Variants in RCSD1 observed in about 807,000 individuals in gnomAD.
RCSD1 encodes RCSD domain containing 1.
A neutral mutation model predicts 42.5 loss-of-function variants in RCSD1; 26 were observed. The ratio of observed to expected loss-of-function variants is 0.61; its 90% CI spans 0.45 to 0.85. The LOEUF (loss-of-function observed/expected upper bound fraction) is 0.85. Among genes scored for constraint, RCSD1 ranks in the 40% least tolerant of loss-of-function variants. RCSD1 has a pLI of 0.00. For missense variants in RCSD1, 571 were observed against 528.3 expected (o/e 1.08, Z -0.79); for synonymous variants, 220 against 212.2 (o/e 1.04, Z -0.32).
At chr1:167,691,702 G>A (rs1456431976) in intron 4 of RCSD1, among the ~76,000 whole-genome samples, 1 of 152,258 alleles carries the variant, frequency 6.6e-6, no homozygotes, top group Admixed American at 6.5e-5. Context: ...GCCTGACTGG[G>A]GGTTAAGGCA....
At chr1:167,665,172 T>A (rs528851707) in intron 1 of RCSD1, 1 of 152,314 alleles carries the variant, frequency 6.6e-6, no homozygotes, top group African/African-American at 2.4e-5. Flanking sequence ...TTTCTGTTAT[T>A]ATAGTTTTGC....
intron 6 of RCSD1, among the ~76,000 whole-genome samples, chr1:167,702,170 A>G (rs1659659333): frequency 6.6e-6 from 1 of 152,252 alleles, no homozygotes; most frequent in Admixed American, 6.5e-5. Context: ...AATAAATGGG[A>G]TTCTGCCCTA....
chr1:167,698,539 C>T (rs988997175), intron 6 of RCSD1, among the ~76,000 whole-genome samples: 3 of 152,166 alleles, frequency 2.0e-5, no homozygotes, highest in Non-Finnish European at 4.4e-5. Context: ...CCTGGGCCTG[C>T]ATTTACTGGC....
intron 6 of RCSD1, 51 bp downstream of exon 6, chr1:167,697,893 G>A: frequency 6.9e-7 from 1 of 1,440,528 alleles, no homozygotes; most frequent in Admixed American, 2.9e-5. Flanking sequence ...GGGCCAGTGT[G>A]TGCCTCTGTC....
At chr1:167,691,614 G>A (rs1215540660) in intron 4 of RCSD1, among the ~76,000 whole-genome samples, 1 of 152,240 alleles carries the variant, frequency 6.6e-6, no homozygotes, top group African/African-American at 2.4e-5. Context: ...TCATTCTGAA[G>A]GCATCAGAGG....
chr1:167,707,207 C>T lies in RCSD1; in HGVS notation c.*2511C>T, dbSNP rs1196591426. ...CTTCAGTGGCCTCAGAACTCCAGGC[C>T]CCTCACGGAGATCACCCTGAACAAT... On this transcript the variant is annotated 3_prime_UTR_variant, in exon 7 of 7. Coordinates refer to ENST00000367854, the MANE Select transcript of RCSD1 (RefSeq NM_052862.4). Among the ~76,000 whole-genome samples, 2 of 152,134 alleles carry T rather than the reference C, an allele frequency of 1.3e-5. No homozygotes were observed. The highest frequency in any genetic ancestry group is 2.9e-5 in the Non-Finnish European group (2 of 68,032).
intron 1 of RCSD1, among the ~76,000 whole-genome samples, chr1:167,631,340 G>A (rs919543034): frequency 6.6e-6 from 1 of 152,222 alleles, no homozygotes; most frequent in South Asian, 2.1e-4. Flanking sequence ...AGATGCAAAT[G>A]TTATATAGTT....
In RCSD1 at chr1:167,707,915, C is replaced by CA. The variant is rs1486639304; in HGVS notation, c.*3222dup. ...TTCACTATGTTGGCCAGGCTGGTCT[C>CA]AAACTCCTGGCCTCTAGTGATCTGC... On this transcript the variant is annotated 3_prime_UTR_variant, in exon 7 of 7. Coordinates refer to ENST00000367854, the MANE Select transcript of RCSD1 (RefSeq NM_052862.4). 1.3e-5 allele frequency among the ~76,000 whole-genome samples: 2 copies of CA among 152,216 alleles called. No individual in the cohort carries two copies. The highest frequency in any genetic ancestry group is 2.9e-5 in the Non-Finnish European group (2 of 68,042).
chr1:167,688,131 G>T (rs1464366990), intron 3 of RCSD1, among the ~76,000 whole-genome samples: 1 of 152,180 alleles, frequency 6.6e-6, no homozygotes, highest in African/African-American at 2.4e-5. Flanking sequence ...AACTGCACTA[G>T]AGGCTATTTT....
chr1:167,657,125 T>C (rs1466041944), intron 1 of RCSD1, among the ~76,000 whole-genome samples: 1 of 152,236 alleles, frequency 6.6e-6, no homozygotes. Context: ...TGAGCCAGTG[T>C]CCATGATGTG....
chr1:167,679,022 G>A (rs1203239934), intron 1 of RCSD1, among the ~76,000 whole-genome samples: 1 of 152,198 alleles, frequency 6.6e-6, no homozygotes, highest in Admixed American at 6.5e-5. Context: ...CTGTGTACCT[G>A]TTTATTGCTG....
intron 6 of RCSD1, among the ~76,000 whole-genome samples, chr1:167,700,963 C>G (rs1206388092): frequency 6.6e-6 from 1 of 152,186 alleles, no homozygotes; most frequent in Admixed American, 6.5e-5. Context: ...GGGAAGAGGG[C>G]TGCTTCAGGG....
In RCSD1 at chr1:167,659,583, T is replaced by C. The variant is rs533932394; in HGVS notation, c.7-24317T>C. Reference sequence around the variant, plus strand: ...ATGCCATGAACTGCAGAGCCAGGCGTGGGAATCCAGCAAAGCATGCTGGGA... The same window carrying C: ...ATGCCATGAACTGCAGAGCCAGGCGCGGGAATCCAGCAAAGCATGCTGGGA... On this transcript the variant is annotated intron_variant, in intron 1 of 6. Coordinates refer to ENST00000367854, the MANE Select transcript of RCSD1 (RefSeq NM_052862.4). 3.3e-5 allele frequency among the ~76,000 whole-genome samples: 5 copies of C among 152,264 alleles called. No homozygotes were observed. In the East Asian group the frequency reaches 7.7e-4, roughly 24 times the overall value.
intron 1 of RCSD1, among the ~76,000 whole-genome samples, chr1:167,654,068 A>G (rs1025983058): frequency 3.3e-5 from 5 of 152,176 alleles, no homozygotes; most frequent in Non-Finnish European, 5.9e-5. Flanking sequence ...TGGCTGGTTC[A>G]AAAGGTAGTT....
intron 1 of RCSD1, among the ~76,000 whole-genome samples, chr1:167,643,464 C>T (rs559658843): frequency 2.4e-4 from 37 of 152,332 alleles, no homozygotes; most frequent in African/African-American, 8.4e-4. Context: ...AAAGTACTTT[C>T]CCGTATCTGT....
At position 167,707,793 on chromosome 1, in the gene RCSD1, A is replaced by C. The variant is rs1464075599; in HGVS notation, c.*3097A>C. Among the ~76,000 whole-genome samples the C allele has an allele frequency of 6.6e-6, 1 of 152,098 alleles. No homozygotes were observed. The highest frequency in any genetic ancestry group is 1.9e-4 in the East Asian group (1 of 5,182). ...GCGATTCTCGTGCCTCAGCCTCCCA[A>C]GTACTGCAGTTACTTTTGCACCAAC... On this transcript the variant is annotated 3_prime_UTR_variant, in exon 7 of 7. Transcript: ENST00000367854.
chr1:167,634,385 T>A (rs1368207150), intron 1 of RCSD1, among the ~76,000 whole-genome samples: 1 of 152,090 alleles, frequency 6.6e-6, no homozygotes, highest in Non-Finnish European at 1.5e-5. Context: ...CAGGGTTTTT[T>A]TTTTTAACAA....
chr1:167,659,995 C>G (rs1658505693), intron 1 of RCSD1, among the ~76,000 whole-genome samples: 1 of 152,152 alleles, frequency 6.6e-6, no homozygotes, highest in Non-Finnish European at 1.5e-5. Context: ...TTTTTGCAAT[C>G]TTGGTTTGCA....
intron 1 of RCSD1, among the ~76,000 whole-genome samples, chr1:167,658,904 A>G (rs1201470037): frequency 6.6e-6 from 1 of 151,994 alleles, no homozygotes; most frequent in Non-Finnish European, 1.5e-5. Context: ...GTAGATTCTC[A>G]GGAGTGTAGG....
Sources: gnomAD v4.1 joint callset for allele counts (sites outside exome capture counted in the v4.1 genomes callset) on GRCh38, gnomAD v4.1.1 for gene constraint, MANE v1.5 for transcripts, NCBI Gene and HGNC (gene_info 2026-07-23, HGNC 2026-07-21) for gene names.